LMLN: variants seen among roughly 807,000 people sequenced by gnomAD.
The protein encoded by LMLN is leishmanolysin like peptidase.
A neutral mutation model predicts 92.3 loss-of-function variants in LMLN; 70 were observed. That is an observed-to-expected ratio of 0.76 (90% CI 0.63 to 0.92). The LOEUF is 0.92. Among genes scored for constraint, LMLN ranks in the 40% least tolerant of loss-of-function variants. LMLN has a pLI of 0.00. For synonymous variants in LMLN, 308 were observed against 296.2 expected, an observed-to-expected ratio of 1.04 and a Z score of -0.41; for missense variants, 691 against 814.6, an observed-to-expected ratio of 0.85 and a Z score of 1.85.
At chr3:198,003,414 C>T (rs1442458950) in intron 11 of LMLN, among the ~76,000 whole-genome samples, 1 of 152,066 alleles carries the variant, frequency 6.6e-6, no homozygotes, top group Non-Finnish European at 1.5e-5. Flanking sequence ...CTTTTGTTTC[C>T]TCTGTCATTT....
chr3:198,027,094 T>C (rs1455684823), intron 14 of LMLN, among the ~76,000 whole-genome samples: 3 of 152,210 alleles, frequency 2.0e-5, no homozygotes, highest in Non-Finnish European at 4.4e-5. Context: ...GTTTTCCACC[T>C]TTTCACATAT....
chr3:198,012,471 G>A (rs1183064843), intron 11 of LMLN, among the ~76,000 whole-genome samples: 1 of 152,148 alleles, frequency 6.6e-6, no homozygotes, highest in African/African-American at 2.4e-5. Flanking sequence ...TCTATCAGTT[G>A]TTGAGAGAAT....
intron 11 of LMLN, among the ~76,000 whole-genome samples, chr3:198,010,080 T>C (rs934809334): frequency 1.2e-4 from 19 of 152,160 alleles, no homozygotes; most frequent in Non-Finnish European, 2.2e-4. Flanking sequence ...TTTTTTTGTT[T>C]TCAAATTCAT....
chr3:198,001,378 G>A (rs771453868), intron 11 of LMLN, among the ~76,000 whole-genome samples: 3 of 152,158 alleles, frequency 2.0e-5, no homozygotes, highest in East Asian at 1.9e-4. Flanking sequence ...GTCTCATGAT[G>A]TGTAGCTGGA....
At chr3:197,964,686 C>T (rs1483423736) in intron 1 of LMLN, among the ~76,000 whole-genome samples, 1 of 150,806 alleles carries the variant, frequency 6.6e-6, no homozygotes, top group African/African-American at 2.4e-5. Context: ...CGTGAGCCAC[C>T]ACGCCCGGCC....
chr3:198,016,763 A>G (rs372214467), intron 11 of LMLN, among the ~76,000 whole-genome samples: 1 of 152,206 alleles, frequency 6.6e-6, no homozygotes, highest in Non-Finnish European at 1.5e-5. Context: ...CTTAAAAACT[A>G]AAACTGTGGG....
chr3:197,998,025 C>G (rs78735992), intron 10 of LMLN, among the ~76,000 whole-genome samples: 1 of 152,156 alleles, frequency 6.6e-6, no homozygotes, highest in East Asian at 1.9e-4. Context: ...AGATTCCCTT[C>G]GAGAAGGATA....
intron 9 of LMLN, among the ~76,000 whole-genome samples, chr3:197,995,201 CATTTT>C (rs1304148310): frequency 2.6e-5 from 4 of 152,184 alleles, no homozygotes; most frequent in Non-Finnish European, 5.9e-5. Flanking sequence ...ATTTTTATAA[CATTTT>C]ATTTTCTCTA....
Position 197,972,523 on chromosome 3 carries a change from G to T in LMLN, c.220-1854G>T, listed in dbSNP as rs919312709. ...TTAAGTTCCTGAACACATTTCAGCT[G>T]CATTAAACTAGTTGTTTAAATTCAG... On this transcript the variant is annotated intron_variant, in intron 1 of 15. Coordinates refer to ENST00000330198, the Ensembl canonical transcript of LMLN. 2.0e-5 allele frequency among the ~76,000 whole-genome samples: 3 copies of T among 152,210 alleles called. No homozygotes were observed. In the South Asian group the frequency reaches 6.2e-4, roughly 32 times the overall value.
At chr3:198,016,359 A>G (rs1014385533) in intron 11 of LMLN, among the ~76,000 whole-genome samples, 4 of 152,212 alleles carry the variant, frequency 2.6e-5, no homozygotes, top group Admixed American at 6.5e-5. Flanking sequence ...AGCACCGGCA[A>G]CCACTCTGGG....
chr3:197,995,465 C>T (rs1385015687), intron 9 of LMLN, among the ~76,000 whole-genome samples: 3 of 152,052 alleles, frequency 2.0e-5, no homozygotes, highest in Admixed American at 6.6e-5. Context: ...AACTGGAGAA[C>T]TGATGCTAAA....
chr3:198,018,067 A>G (rs1289424807), intron 11 of LMLN, among the ~76,000 whole-genome samples: 1 of 152,218 alleles, frequency 6.6e-6, no homozygotes, highest in African/African-American at 2.4e-5. Flanking sequence ...TGAATCTTAG[A>G]CAGCTCTAAC....
At chr3:197,985,206 G>A (rs1721670464) in intron 7 of LMLN, among the ~76,000 whole-genome samples, 1 of 151,998 alleles carries the variant, frequency 6.6e-6, no homozygotes, top group African/African-American at 2.4e-5. Context: ...CATCTTTTCA[G>A]CTCTGGTCCA....
At chr3:198,021,411 CT>C (rs1420102077) in intron 12 of LMLN, 34 bp from the exon 14 acceptor site, 2 of 1,600,988 alleles carry the variant, frequency 1.2e-6, no homozygotes, top group South Asian at 2.2e-5. Context: ...CAGAATGTTT[CT>C]TACTTTCTTG....
intron 11 of LMLN, among the ~76,000 whole-genome samples, chr3:198,005,330 T>G (rs1411359941): frequency 1.3e-5 from 2 of 151,996 alleles, no homozygotes; most frequent in East Asian, 3.9e-4. Flanking sequence ...CATACATGTA[T>G]ATATACAGTT....
chr3:198,017,193 CT>C (rs1202764496), intron 11 of LMLN, among the ~76,000 whole-genome samples: 1 of 152,230 alleles, frequency 6.6e-6, no homozygotes, highest in Non-Finnish European at 1.5e-5. Context: ...TTGCTGACCC[CT>C]GTCACAGTCA....
At chr3:197,962,022 T>G (rs1720915383) in intron 1 of LMLN, among the ~76,000 whole-genome samples, 1 of 152,148 alleles carries the variant, frequency 6.6e-6, no homozygotes, top group Non-Finnish European at 1.5e-5. Flanking sequence ...TGGTAAAATT[T>G]ACATATATTG....
chr3:198,032,183 G>A (rs993871909), intron 14 of LMLN, among the ~76,000 whole-genome samples: 1 of 151,946 alleles, frequency 6.6e-6, no homozygotes, highest in Non-Finnish European at 1.5e-5. Flanking sequence ...TGTTGACTGT[G>A]GTCTCCCTAT....
At chr3:197,994,551 A>T (rs1313667893) in intron 9 of LMLN, 1 of 152,184 alleles carries the variant, frequency 6.6e-6, no homozygotes, top group Non-Finnish European at 1.5e-5. Context: ...TAAAAGCACA[A>T]TGAGATGTCA....
Sources: allele counts gnomAD v4.1 joint callset (sites outside exome capture counted in the v4.1 genomes callset), GRCh38; gene constraint gnomAD v4.1.1; transcripts MANE v1.5; gene names NCBI Gene and HGNC (gene_info 2026-07-23, HGNC 2026-07-21).